UTP15: variants seen among roughly 807,000 people sequenced by gnomAD.
UTP15 encodes the protein UTP15 small subunit processome component.
UTP15 carries 5 observed loss-of-function variants against 59.1 expected under a neutral mutation model. That is an observed-to-expected ratio of 0.08 (90% CI 0.04 to 0.18). UTP15 has a LOEUF of 0.18. Among genes scored for constraint, UTP15 ranks in the 10% least tolerant of loss-of-function variants. The probability of loss-of-function intolerance (pLI) is 1.00; values close to 1 mark genes in which losing one functional copy is unlikely to be tolerated. For synonymous variants in UTP15, 211 were observed against 212.2 expected, an observed-to-expected ratio of 0.99 and a Z score of 0.05; for missense variants, 494 against 616.7, an observed-to-expected ratio of 0.80 and a Z score of 2.11.
At position 73,577,035 on chromosome 5, in the gene UTP15, C is replaced by A; in HGVS notation, c.893C>A (p.Ala298Glu). The A allele has an allele frequency of 6.2e-7, 1 of 1,602,274 alleles. No homozygotes were observed. Among genetic ancestry groups the A allele is most frequent in the Non-Finnish European group, 8.5e-7 (1 of 1,175,608 alleles). ...GCTTCAATTTTGAGTCTTGCCCTTG[C>A]AGTAAGTACCTTTACCTATTTTTAA... ...YAASILSLAL[A>E]HEDETIVVGM... is the part of the protein sequence containing the mutation. Residue 298 changes from alanine to glutamate, a missense_variant and splice_region_variant, in exon 8 of 13, where the codon GCA (alanine) becomes GAA (glutamate). Transcript: ENST00000296792.
intron 6 of UTP15, among the ~76,000 whole-genome samples, chr5:73,572,058 C>T (rs1169533446): frequency 6.6e-6 from 1 of 152,146 alleles, no homozygotes; most frequent in East Asian, 1.9e-4. Flanking sequence ...GGTTCCAACT[C>T]CTGTTCCCCA....
At chr5:73,566,933 A>G (rs1580386016) in intron 1 of UTP15, among the ~76,000 whole-genome samples, 1 of 152,182 alleles carries the variant, frequency 6.6e-6, no homozygotes, top group East Asian at 1.9e-4. Flanking sequence ...TCACCTTAAT[A>G]TTTCCTGTTG....
In UTP15 at chr5:73,569,498, G is replaced by C; in HGVS notation, c.370G>C (p.Ala124Pro). Residue 124 changes from alanine to proline, a missense_variant and splice_region_variant, in exon 5 of 13, where the codon GCA becomes CCA. Coordinates refer to ENST00000296792, the MANE Select transcript of UTP15 (RefSeq NM_032175.4). ...ATATACTGACCTTCAATCTTTCAGA[G>C]CAGTTCATACAGTAGATTTTACAGC... The part of the protein sequence containing the change: ...PLRQFEGHTK[A>P]VHTVDFTADK... 7.6e-6 allele frequency: 12 copies of C among 1,580,902 alleles called. No individual in the cohort carries two copies. Among genetic ancestry groups the C allele is most frequent in the Non-Finnish European group, 1.0e-5 (12 of 1,164,708 alleles).
At chr5:73,573,429 G>A (rs992684515) in intron 7 of UTP15, among the ~76,000 whole-genome samples, 4 of 151,690 alleles carry the variant, frequency 2.6e-5, no homozygotes, top group East Asian at 1.9e-4. Flanking sequence ...TGTATTTTTA[G>A]TAGAGACGGG....
chr5:73,574,798 T>G (rs1748041976), intron 7 of UTP15, among the ~76,000 whole-genome samples: 1 of 152,224 alleles, frequency 6.6e-6, no homozygotes, highest in Non-Finnish European at 1.5e-5. Context: ...CATGATCTAT[T>G]TTTTATTATT....
chr5:73,577,074 C>A (rs1023227992), intron 8 of UTP15, 38 bp downstream of exon 8: 2 of 1,450,786 alleles, frequency 1.4e-6, no homozygotes, highest in Admixed American at 2.2e-5. Flanking sequence ...TGTCACTAAC[C>A]CTGCCTGTTA....
At position 73,579,947 on chromosome 5, in the gene UTP15, A is replaced by G. The variant is rs764405462; in HGVS notation, c.1410A>G (p.Val470=). 2 of 1,613,866 alleles carry G rather than the reference A, an allele frequency of 1.2e-6. No individual in the cohort carries two copies. The highest frequency in any genetic ancestry group is 8.5e-7 in the Non-Finnish European group (1 of 1,179,834). Residue 470 remains valine (V), a synonymous_variant, in exon 13 of 13, where the codon GTA becomes GTG. Coordinates refer to ENST00000296792, the MANE Select transcript of UTP15 (RefSeq NM_032175.4). ...AGTTTTTACTACTTCAAGGACTTGTAGAAAAAGAGATTGATTACCAAAGAG... is the reference window on the plus strand; with the variant it reads ...AGTTTTTACTACTTCAAGGACTTGTGGAAAAAGAGATTGATTACCAAAGAG... The part of the protein sequence containing the change: ...DKKFLLLQGL[V]EKEIDYQREL...
Position 73,568,502 on chromosome 5 carries a change from G to A in UTP15, c.266G>A (p.Arg89Gln), listed in dbSNP as rs770117367. The A allele has an allele frequency of 2.5e-6, 4 of 1,614,062 alleles. No individual in the cohort carries two copies. Among genetic ancestry groups the A allele is most frequent in the Admixed American group, 1.7e-5 (1 of 60,014 alleles). Residue 89 changes from arginine (R) to glutamine (Q), a missense_variant, in exon 4 of 13, where the codon CGA becomes CAA. Coordinates refer to ENST00000296792, the MANE Select transcript of UTP15 (RefSeq NM_032175.4). ...GACACAGCATACTGTGCTACTTTTCGACAAGATGGTAGATTGCTTGTGGCT... is the reference window on the plus strand; with the variant it reads ...GACACAGCATACTGTGCTACTTTTCAACAAGATGGTAGATTGCTTGTGGCT... The part of the protein sequence containing the change: ...FKDTAYCATF[R>Q]QDGRLLVAGS...
At position 73,568,447 on chromosome 5, in the gene UTP15, G is replaced by A; in HGVS notation, c.211G>A (p.Glu71Lys). Reference protein sequence around the residue: ...RIHIYGRYSQEPIKTFSRFKD... With the variant: ...RIHIYGRYSQKPIKTFSRFKD... Reference sequence around the variant, plus strand: ...TCACATTTATGGCCGATACTCCCAAGAACCTATAAAAACCTTTTCTCGATT... The same window carrying A: ...TCACATTTATGGCCGATACTCCCAAAAACCTATAAAAACCTTTTCTCGATT... The change falls in exon 4 of 13, where the codon GAA (glutamate) becomes AAA (lysine). Residue 71 changes from glutamate to lysine, a missense_variant. Coordinates refer to ENST00000296792, the MANE Select transcript of UTP15 (RefSeq NM_032175.4). The A allele has an allele frequency of 2.5e-6, 4 of 1,612,974 alleles. No homozygotes were observed. Among genetic ancestry groups the A allele is most frequent in the Non-Finnish European group, 3.4e-6 (4 of 1,179,500 alleles).
intron 6 of UTP15, among the ~76,000 whole-genome samples, chr5:73,571,069 CTTAT>C (rs537864391): frequency 1.5e-3 from 229 of 152,160 alleles, no homozygotes; most frequent in African/African-American, 5.3e-3. Flanking sequence ...CCTGTGCCAT[CTTAT>C]TTATTTAGCC....
chr5:73,565,988 C>T (rs956240295), intron 1 of UTP15, 76 bp downstream of exon 1: 25 of 423,972 alleles, frequency 5.9e-5, no homozygotes, highest in Non-Finnish European at 1.1e-4. Context: ...GCATGCTCTT[C>T]TGGGGCTTCC....
intron 1 of UTP15, 68 bp from the exon 2 acceptor site, chr5:73,567,194 G>A: frequency 2.3e-6 from 1 of 443,132 alleles, no homozygotes. Flanking sequence ...ACTTTTTAAA[G>A]AAAGCAGAGT....
chr5:73,569,831 T>C (rs963378731), intron 5 of UTP15, among the ~76,000 whole-genome samples, 156 bp downstream of exon 5: 8 of 152,180 alleles, frequency 5.3e-5, no homozygotes, highest in African/African-American at 1.7e-4. Flanking sequence ...TTTTTATGTA[T>C]GTATGTTTGC....
At chr5:73,578,565 C>CTTTTTTT (rs373445323) in intron 9 of UTP15, 186 bp from the exon 10 acceptor site, 3 of 445,418 alleles carry the variant, frequency 6.7e-6, no homozygotes, top group African/African-American at 2.1e-5. Context: ...CAAGTTACTC[C>CTTTTTTT]TTTTTTTTTT....
chr5:73,569,760 G>A, intron 5 of UTP15, 85 bp downstream of exon 5: 2 of 1,235,280 alleles, frequency 1.6e-6, no homozygotes, highest in Non-Finnish European at 2.2e-6. Flanking sequence ...TGGGATGGAG[G>A]GGTTTAAATT....
intron 6 of UTP15, 86 bp from the exon 7 acceptor site, chr5:73,572,403 A>G (rs970560099): frequency 3.9e-6 from 6 of 1,531,796 alleles, no homozygotes; most frequent in Non-Finnish European, 5.3e-6. Context: ...TGCTTTGTGG[A>G]GTGTCCAGAG....
chr5:73,581,398 T>C lies in UTP15; in HGVS notation c.*1304T>C, dbSNP rs1748303302. On this transcript the variant is annotated 3_prime_UTR_variant, in exon 13 of 13. Transcript: ENST00000296792. Reference sequence around the variant, plus strand: ...AGAGAGATTCTTATTTTCTTGGCTTTTTGATGTATCTGTTCCTGATAGATA... The same window carrying C: ...AGAGAGATTCTTATTTTCTTGGCTTCTTGATGTATCTGTTCCTGATAGATA... 1 of 152,210 alleles carries C rather than the reference T, an allele frequency of 6.6e-6. No individual in the cohort carries two copies. Among genetic ancestry groups the C allele is most frequent in the Non-Finnish European group, 1.5e-5 (1 of 68,034 alleles). The allele number at this position is 152,210 out of a possible 1,614,324, so 9.4% of individuals were successfully genotyped here. A position where few individuals can be genotyped will look rare whatever the true frequency, so the allele number is the denominator to read the frequency against.
At chr5:73,578,114 T>A in intron 9 of UTP15, 109 bp downstream of exon 9, 2 of 1,169,580 alleles carry the variant, frequency 1.7e-6, no homozygotes, top group Non-Finnish European at 2.4e-6. Flanking sequence ...TTTATTTTGC[T>A]TTTCTCTACA....
chr5:73,574,708 A>G (rs919921322), intron 7 of UTP15, among the ~76,000 whole-genome samples: 6 of 152,128 alleles, frequency 3.9e-5, no homozygotes, highest in Non-Finnish European at 8.8e-5. Context: ...GCTGGTCTCA[A>G]ACTCCTGAGT....
Sources: gnomAD v4.1 joint callset for allele counts (sites outside exome capture counted in the v4.1 genomes callset) on GRCh38, gnomAD v4.1.1 for gene constraint, MANE v1.5 for transcripts, NCBI Gene and HGNC (gene_info 2026-07-23, HGNC 2026-07-21) for gene names.